The following SGCZ variants were observed in gnomAD, a reference collection of about 807,000 sequenced individuals.
The protein encoded by SGCZ is sarcoglycan zeta, also known as zeta-sarcoglycan.
SGCZ carries 40 observed loss-of-function variants against 41.3 expected under a neutral mutation model. That is an observed-to-expected ratio of 0.97 (90% CI 0.75 to 1.26). The LOEUF is 1.26. Among genes scored for constraint, SGCZ ranks in the 50% most tolerant of loss-of-function variants. The pLI, the probability that SGCZ is intolerant of heterozygous loss-of-function variation, is 0.00. For missense variants in SGCZ, 552 were observed against 369.8 expected, an observed-to-expected ratio of 1.49 and a Z score of -4.04; for synonymous variants, 206 against 137.5, an observed-to-expected ratio of 1.50 and a Z score of -3.49.
At chr8:14,729,911 C>G (rs74393388) in intron 1 of SGCZ, among the ~76,000 whole-genome samples, 1 of 152,064 alleles carries the variant, frequency 6.6e-6, no homozygotes, top group African/African-American at 2.4e-5. Flanking sequence ...ATGGTGAAAC[C>G]CCATCTCTAC....
At chr8:15,156,997 C>T (rs960288392) in intron 1 of SGCZ, among the ~76,000 whole-genome samples, 1 of 150,936 alleles carries the variant, frequency 6.6e-6, no homozygotes, top group Non-Finnish European at 1.5e-5. Context: ...AAAGCAAGCA[C>T]TTCTCAAATA....
rs1041314430 is a variant in SGCZ at position 14,685,645 on chromosome 8, A to C, written c.40-130719T>G. ...ATTAATCACTACATATGAGTTATTA[A>C]ATATTTACAGTATTATTCATTTCCA... On this transcript the variant is annotated intron_variant, in intron 1 of 7. Coordinates refer to ENST00000382080, the MANE Select transcript of SGCZ (RefSeq NM_139167.4). Among the ~76,000 whole-genome samples, 3 of 152,150 alleles carry C rather than the reference A, an allele frequency of 2.0e-5. No homozygotes were observed. In the East Asian group the frequency reaches 5.8e-4, roughly 29 times the overall value.
chr8:15,182,383 G>C (rs147598880), intron 1 of SGCZ, among the ~76,000 whole-genome samples: 100 of 152,116 alleles, frequency 6.6e-4, no homozygotes, highest in Middle Eastern at 3.4e-3. Flanking sequence ...ACAACATAGG[G>C]TATACTTAAG....
intron 2 of SGCZ, among the ~76,000 whole-genome samples, chr8:14,351,403 T>A (rs1803087547): frequency 6.6e-6 from 1 of 152,076 alleles, no homozygotes; most frequent in African/African-American, 2.4e-5. Context: ...TTCAGCCTTG[T>A]CTTCACCTTC....
intron 1 of SGCZ, among the ~76,000 whole-genome samples, chr8:14,687,256 C>T (rs906032286): frequency 6.7e-6 from 1 of 150,282 alleles, no homozygotes; most frequent in African/African-American, 2.4e-5. Context: ...ACGTTAGTTA[C>T]ATATGTATAC....
intron 1 of SGCZ, among the ~76,000 whole-genome samples, chr8:14,963,233 A>C (rs1801020388): frequency 6.6e-6 from 1 of 152,242 alleles, no homozygotes; most frequent in African/African-American, 2.4e-5. Context: ...TATGTGTTGC[A>C]TGAGCAAATG....
At chr8:14,838,700 C>T (rs771703573) in intron 1 of SGCZ, among the ~76,000 whole-genome samples, 2 of 152,164 alleles carry the variant, frequency 1.3e-5, no homozygotes, top group African/African-American at 4.8e-5. Flanking sequence ...TTCCCTGTGA[C>T]ACGGCTTGGT....
intron 1 of SGCZ, among the ~76,000 whole-genome samples, chr8:14,594,160 G>T (rs530190383): frequency 3.3e-5 from 5 of 149,966 alleles, no homozygotes; most frequent in African/African-American, 7.4e-5. Context: ...GGGCAACAGA[G>T]CAAGACTCCA....
intron 1 of SGCZ, among the ~76,000 whole-genome samples, chr8:15,115,865 AT>A (rs1807250181): frequency 6.6e-6 from 1 of 152,232 alleles, no homozygotes; most frequent in South Asian, 2.1e-4. Flanking sequence ...AATATTGAAA[AT>A]AATAAAGTAA....
At chr8:15,156,114 A>G (rs1799323980) in intron 1 of SGCZ, among the ~76,000 whole-genome samples, 1 of 151,884 alleles carries the variant, frequency 6.6e-6, no homozygotes, top group Admixed American at 6.6e-5. Context: ...AAATATTTAA[A>G]GTGATTATTT....
intron 1 of SGCZ, among the ~76,000 whole-genome samples, chr8:14,886,677 G>C (rs1026855776): frequency 6.6e-6 from 1 of 152,196 alleles, no homozygotes; most frequent in African/African-American, 2.4e-5. Flanking sequence ...CATATCCCAG[G>C]AGGGAAGATT....
chr8:14,692,422 A>G (rs1240481479), intron 1 of SGCZ, among the ~76,000 whole-genome samples: 1 of 152,138 alleles, frequency 6.6e-6, no homozygotes, highest in Non-Finnish European at 1.5e-5. Context: ...ATATACACAT[A>G]TCCACCAATA....
intron 1 of SGCZ, among the ~76,000 whole-genome samples, chr8:14,661,744 A>G (rs1024879070): frequency 6.6e-6 from 1 of 152,146 alleles, no homozygotes; most frequent in African/African-American, 2.4e-5. Flanking sequence ...ACACATGAAC[A>G]ATGAATGGGA....
intron 1 of SGCZ, among the ~76,000 whole-genome samples, chr8:15,023,489 T>C (rs1382337303): frequency 1.3e-5 from 2 of 152,152 alleles, no homozygotes; most frequent in Non-Finnish European, 2.9e-5. Context: ...ATTAATTCCT[T>C]CTATGTGTGT....
At chr8:14,523,710 TTTTG>T (rs1198567973) in intron 2 of SGCZ, among the ~76,000 whole-genome samples, 6 of 152,132 alleles carry the variant, frequency 3.9e-5, no homozygotes. Flanking sequence ...AGTATATGTT[TTTTG>T]TTTGTTTTTG....
chr8:14,349,190 T>C (rs1339695049), intron 2 of SGCZ, among the ~76,000 whole-genome samples: 1 of 152,144 alleles, frequency 6.6e-6, no homozygotes, highest in Non-Finnish European at 1.5e-5. Flanking sequence ...GTAATGTCCA[T>C]ATGGAAAAAT....
chr8:14,976,023 T>C (rs1386185837), intron 1 of SGCZ, among the ~76,000 whole-genome samples: 2 of 139,372 alleles, frequency 1.4e-5, no homozygotes, highest in Middle Eastern at 3.8e-3. Flanking sequence ...TATACACATA[T>C]ATATTTTTTT....
intron 5 of SGCZ, among the ~76,000 whole-genome samples, chr8:14,130,965 C>T (rs762966476): frequency 6.6e-6 from 1 of 152,124 alleles, no homozygotes; most frequent in Non-Finnish European, 1.5e-5. Flanking sequence ...CTAGTCCAGC[C>T]AATCCTTTGT....
At chr8:14,281,868 C>CT (rs11297234) in intron 3 of SGCZ, among the ~76,000 whole-genome samples, 12 of 151,666 alleles carry the variant, frequency 7.9e-5, no homozygotes, top group African/African-American at 2.7e-4. Flanking sequence ...CCATACTGTT[C>CT]TTTTTTTTTA....
Sources: gnomAD v4.1 joint callset for allele counts (sites outside exome capture counted in the v4.1 genomes callset) on GRCh38, gnomAD v4.1.1 for gene constraint, MANE v1.5 for transcripts, NCBI Gene and HGNC (gene_info 2026-07-23, HGNC 2026-07-21) for gene names.